Variants in NTM observed in about 807,000 individuals in gnomAD.
NTM encodes neurotrimin, also known as IgLON family member 2.
NTM carries 13 observed loss-of-function variants against 42.1 expected under a neutral mutation model. The observed-to-expected ratio is 0.31, with a 90% confidence interval of 0.20 to 0.49. The LOEUF (loss-of-function observed/expected upper bound fraction) is 0.49. Ranked by LOEUF, NTM falls within the 20% of genes least tolerant of loss-of-function variation. The probability of loss-of-function intolerance (pLI) is 0.99; values close to 1 mark genes in which losing one functional copy is unlikely to be tolerated. For synonymous variants in NTM, 187 were observed against 179.2 expected, an observed-to-expected ratio of 1.04 and a Z score of -0.35; for missense variants, 373 against 452.8, an observed-to-expected ratio of 0.82 and a Z score of 1.60.
At chr11:131,753,414 A>G (rs1324119000) in intron 1 of NTM, among the ~76,000 whole-genome samples, 1 of 152,106 alleles carries the variant, frequency 6.6e-6, no homozygotes, top group African/African-American at 2.4e-5. Context: ...AGGACTATAA[A>G]TCATGCTGCT....
chr11:132,084,497 A>G (rs1261540695), intron 2 of NTM, among the ~76,000 whole-genome samples: 3 of 152,098 alleles, frequency 2.0e-5, no homozygotes, highest in Non-Finnish European at 2.9e-5. Context: ...TGCCTCAGGG[A>G]CCCTCCATGG....
At chr11:132,025,278 T>C (rs1211773302) in intron 2 of NTM, among the ~76,000 whole-genome samples, 1 of 152,254 alleles carries the variant, frequency 6.6e-6, no homozygotes, top group Non-Finnish European at 1.5e-5. Flanking sequence ...CCATCCTGTG[T>C]GCCCAGAATT....
chr11:131,794,887 C>A lies in NTM; in HGVS notation c.83-116677C>A, dbSNP rs1464060942. ...GCCTCCACAGAGAATATATGATGGC[C>A]ACCCTTGTCACTGCAGGGAGTGTTG... On this transcript the variant is annotated intron_variant, in intron 1 of 8. Transcript: ENST00000683400. The A allele has an allele frequency of 3.0e-6, 3 of 985,156 alleles. No homozygotes were observed. The Admixed American group carries it at 1.8e-4, about 61-fold the overall frequency. The allele number at this position is 985,156 out of a possible 1,614,324, so 61.0% of individuals were successfully genotyped here.
At chr11:131,506,877 T>A (rs1325005325) in intron 1 of NTM, among the ~76,000 whole-genome samples, 2 of 152,144 alleles carry the variant, frequency 1.3e-5, no homozygotes, top group East Asian at 3.8e-4. Context: ...AGAGAAAAAC[T>A]CACGGTAGAT....
Position 132,335,091 on chromosome 11 carries a change from C to T in NTM, c.1013C>T (p.Ala338Val). 6.2e-7 allele frequency: 1 copy of T among 1,612,644 alleles called. No individual in the cohort carries two copies. Among genetic ancestry groups the T allele is most frequent in the Non-Finnish European group, 8.5e-7 (1 of 1,179,980 alleles). ...GTGAGCAACGGCACGTCGAGGAGGG[C>T]AGGCTGCGTCTGGCTGCTGCCTCTT... is the stretch of plus-strand genomic sequence containing the variant. ...SEVSNGTSRR[A>V]GCVWLLPLLV... Residue 338 changes from alanine to valine, a missense_variant, in exon 9 of 9, where the codon GCA (alanine) becomes GTA (valine). Physicochemically the swap from Ala to Val is moderately conservative, Grantham distance 64. Around this residue, in one of 3 missense-constraint regions of NTM, gnomAD observed 312 missense variants for 353.5 expected, o/e 0.88. Transcript: ENST00000683400.
intron 1 of NTM, among the ~76,000 whole-genome samples, chr11:131,704,073 C>G (rs555805412): frequency 1.0e-5 from 1 of 97,608 alleles, no homozygotes; most frequent in Non-Finnish European, 2.1e-5. Context: ...CCCTTACAAC[C>G]CCCCTGGTTC....
chr11:131,933,541 C>T (rs2058868765), intron 2 of NTM, among the ~76,000 whole-genome samples: 1 of 152,090 alleles, frequency 6.6e-6, no homozygotes, highest in African/African-American at 2.4e-5. Flanking sequence ...GTTATGCAGT[C>T]AGTTTCCTTG....
chr11:132,091,919 A>G (rs908779019), intron 2 of NTM, among the ~76,000 whole-genome samples: 1 of 152,156 alleles, frequency 6.6e-6, no homozygotes, highest in Non-Finnish European at 1.5e-5. Context: ...AGATGAATAA[A>G]TAAATTAATG....
Position 131,715,483 on chromosome 11 carries a change from C to T in NTM, c.83-196081C>T, listed in dbSNP as rs561449654. Among the ~76,000 whole-genome samples the T allele has an allele frequency of 7.2e-5, 11 of 152,274 alleles. No individual in the cohort carries two copies. The East Asian group carries it at 1.9e-3, about 27-fold the overall frequency. On this transcript the variant is annotated intron_variant, in intron 1 of 8. Coordinates refer to ENST00000683400, the MANE Select transcript of NTM (RefSeq NM_001352005.2). ...GTTTAACAGCTTTATTGAGGTATAA[C>T]TGATATATAATAAAGAACAAATATT...
intron 1 of NTM, among the ~76,000 whole-genome samples, chr11:131,688,012 G>A (rs2074124642): frequency 6.6e-6 from 1 of 152,244 alleles, no homozygotes; most frequent in Non-Finnish European, 1.5e-5. Flanking sequence ...GGAAATAGTG[G>A]TGTGATAGCC....
intron 1 of NTM, among the ~76,000 whole-genome samples, chr11:131,902,015 T>C (rs904219495): frequency 4.6e-5 from 7 of 152,254 alleles, no homozygotes; most frequent in African/African-American, 1.7e-4. Flanking sequence ...AGCACAAGGC[T>C]GTGATGCCCC....
intron 2 of NTM, among the ~76,000 whole-genome samples, chr11:132,041,716 G>GGGTC (rs1343979210): frequency 1.3e-5 from 2 of 152,180 alleles, no homozygotes; most frequent in African/African-American, 4.8e-5. Flanking sequence ...CAGTACTGCT[G>GGGTC]AGTTGCTGGG....
intron 1 of NTM, among the ~76,000 whole-genome samples, chr11:131,823,335 C>T (rs1057255142): frequency 6.6e-6 from 1 of 152,168 alleles, no homozygotes; most frequent in Non-Finnish European, 1.5e-5. Context: ...CTAAATCTCT[C>T]GGTTTTGTTC....
intron 1 of NTM, among the ~76,000 whole-genome samples, chr11:131,712,512 T>C (rs1396846287): frequency 6.6e-6 from 1 of 152,182 alleles, no homozygotes; most frequent in Non-Finnish European, 1.5e-5. Flanking sequence ...CCATAACTAG[T>C]GGGATAATAG....
At chr11:132,285,401 G>A (rs1366707915) in intron 4 of NTM, among the ~76,000 whole-genome samples, 2 of 152,140 alleles carry the variant, frequency 1.3e-5, no homozygotes, top group African/African-American at 4.8e-5. Context: ...TCTTGAAGAA[G>A]GAGGAATGAA....
intron 2 of NTM, among the ~76,000 whole-genome samples, chr11:131,984,071 G>A (rs866910179): frequency 1.4e-4 from 21 of 152,202 alleles, no homozygotes; most frequent in Admixed American, 2.0e-4. Flanking sequence ...AGATTTTGGT[G>A]TACAGGTAGC....
chr11:131,685,987 C>T (rs1042709384), intron 1 of NTM, among the ~76,000 whole-genome samples: 54 of 152,184 alleles, frequency 3.5e-4, no homozygotes, highest in African/African-American at 1.2e-3. Flanking sequence ...TGGAGTTGGC[C>T]CTGCCTCCCA....
intron 1 of NTM, among the ~76,000 whole-genome samples, chr11:131,804,094 T>A (rs1031931183): frequency 1.3e-5 from 2 of 152,186 alleles, no homozygotes; most frequent in Admixed American, 6.5e-5. Flanking sequence ...TGCTATTTCG[T>A]ACCACTCCTT....
At chr11:131,681,741 CTGTG>C (rs776608279) in intron 1 of NTM, among the ~76,000 whole-genome samples, 1 of 41,204 alleles carries the variant, frequency 2.4e-5, no homozygotes, top group African/African-American at 4.9e-5. Flanking sequence ...GTTTCTGTGT[CTGTG>C]TGTATGTCTC....
Sources: allele counts gnomAD v4.1 joint callset (sites outside exome capture counted in the v4.1 genomes callset), GRCh38; gene constraint gnomAD v4.1.1; regional missense constraint gnomAD v4.1.1; transcripts MANE v1.5; gene names NCBI Gene and HGNC (gene_info 2026-07-23, HGNC 2026-07-21).